CCDC63: variants seen among roughly 807,000 people sequenced by gnomAD.
The protein encoded by CCDC63 is coiled-coil domain-containing protein 63.
A neutral mutation model predicts 63.6 loss-of-function variants in CCDC63; 54 were observed. The observed-to-expected ratio is 0.85, with a 90% confidence interval of 0.68 to 1.07. The LOEUF (loss-of-function observed/expected upper bound fraction) is 1.07. Among genes scored for constraint, CCDC63 ranks in the 50% least tolerant of loss-of-function variants. CCDC63 has a pLI of 0.00. For missense variants in CCDC63, 637 were observed against 689.6 expected (o/e 0.92, Z 0.86); for synonymous variants, 253 against 266.1 (o/e 0.95, Z 0.48).
Position 110,858,703 on chromosome 12 carries a change from G to C in CCDC63, c.297G>C (p.Leu99=), listed in dbSNP as rs367567349. 1.4e-5 allele frequency: 22 copies of C among 1,614,090 alleles called. No individual in the cohort carries two copies. The highest frequency in any genetic ancestry group is 1.9e-5 in the Non-Finnish European group (22 of 1,180,026). Residue 99 remains leucine, a synonymous_variant, in exon 4 of 12, where the codon CTG becomes CTC. Transcript: ENST00000308208. The stretch of plus-strand genomic sequence containing the variant: ...AGAACTACATGGAGCTGCGACTCCT[G>C]CTCCAAACTAAGGAGGACTATGAGG... ...SEKNYMELRL[L]LQTKEDYEAL... is the part of the protein sequence containing the mutation.
intron 4 of CCDC63, among the ~76,000 whole-genome samples, chr12:110,862,616 A>G (rs1340616434): frequency 6.6e-6 from 1 of 152,226 alleles, no homozygotes; most frequent in African/African-American, 2.4e-5. Context: ...AGCTTCCCTT[A>G]ACAGGGAGCC....
chr12:110,875,739 T>A (rs1332328907), intron 5 of CCDC63, among the ~76,000 whole-genome samples: 3 of 152,170 alleles, frequency 2.0e-5, no homozygotes, highest in Non-Finnish European at 4.4e-5. Flanking sequence ...GTTTTTTGTA[T>A]CTCAAACTGG....
In CCDC63 at chr12:110,880,023, C is replaced by T; in HGVS notation, c.607C>T (p.Leu203=). 2 of 1,614,160 alleles carry T rather than the reference C, an allele frequency of 1.2e-6. No homozygotes were observed. Among genetic ancestry groups the T allele is most frequent in the Non-Finnish European group, 1.7e-6 (2 of 1,180,004 alleles). ...TGTCTACCAGCAGCTCCAGCACTGC[C>T]TGTTGATGGAGAAGAAAACCATGAA... The part of the protein sequence containing the change: ...DNVYQQLQHC[L]LMEKKTMNLA... The change falls in exon 6 of 12, where the codon CTG becomes TTG. Residue 203 remains leucine (L), a synonymous_variant. Transcript: ENST00000308208.
At chr12:110,874,443 G>C (rs1379501361) in intron 5 of CCDC63, among the ~76,000 whole-genome samples, 2 of 152,152 alleles carry the variant, frequency 1.3e-5, no homozygotes, top group African/African-American at 2.4e-5. Flanking sequence ...CATTAAGCAG[G>C]GTTCCTTAAA....
At chr12:110,867,426 G>A (rs1366146955) in intron 4 of CCDC63, among the ~76,000 whole-genome samples, 10 of 120,174 alleles carry the variant, frequency 8.3e-5, no homozygotes, top group African/African-American at 2.0e-4. Flanking sequence ...CCTCCCGGAC[G>A]GGGTGGCTGG....
At position 110,858,764 on chromosome 12, in the gene CCDC63, C is replaced by G. The variant is rs1190047721; in HGVS notation, c.358C>G (p.Leu120Val). The G allele has an allele frequency of 6.2e-7, 1 of 1,613,362 alleles. No homozygotes were observed. Among genetic ancestry groups the G allele is most frequent in the East Asian group, 2.2e-5 (1 of 44,892 alleles). Residue 120 changes from leucine to valine, a missense_variant, in exon 4 of 12, where the codon CTG becomes GTG. Coordinates refer to ENST00000308208, the MANE Select transcript of CCDC63 (RefSeq NM_152591.3). ...ATCCCTGAAAGTGCTGTTGGCTGAA[C>G]TGGATGAGAAGGTGTGGTCTTTCTC... is the stretch of plus-strand genomic sequence containing the variant. The part of the protein sequence containing the change: ...IKSLKVLLAE[L>V]DEKILQMEKK...
intron 8 of CCDC63, among the ~76,000 whole-genome samples, chr12:110,891,909 T>C (rs772318845): frequency 6.6e-6 from 1 of 152,166 alleles, no homozygotes; most frequent in African/African-American, 2.4e-5. Flanking sequence ...GTTATTTCCA[T>C]GGGACAGACT....
intron 10 of CCDC63, among the ~76,000 whole-genome samples, chr12:110,899,341 C>T (rs2071456126): frequency 6.6e-6 from 1 of 152,130 alleles, no homozygotes; most frequent in African/African-American, 2.4e-5. Context: ...TCTTTTGAGA[C>T]AGGGTCTTGC....
At chr12:110,887,346 G>A (rs953790717) in intron 8 of CCDC63, among the ~76,000 whole-genome samples, 5 of 151,438 alleles carry the variant, frequency 3.3e-5, no homozygotes, top group East Asian at 2.0e-4. Context: ...GGATGGTCTC[G>A]AACGCCTGAA....
chr12:110,892,995 T>A, intron 8 of CCDC63, 81 bp from the exon 9 acceptor site: 1 of 1,116,478 alleles, frequency 9.0e-7, no homozygotes, highest in Admixed American at 1.9e-5. Context: ...TCATCGACTC[T>A]TTGAGGCGCA....
chr12:110,896,850 T>G (rs2071421008), intron 9 of CCDC63, among the ~76,000 whole-genome samples: 1 of 152,142 alleles, frequency 6.6e-6, no homozygotes, highest in Non-Finnish European at 1.5e-5. Flanking sequence ...TTCTCAGACT[T>G]TACTGTGCAC....
rs188396161 is a variant in CCDC63, at chr12:110,905,476, G to A, written c.1546+685G>A. On this transcript the variant is annotated intron_variant, in intron 11 of 11. Transcript: ENST00000308208. Reference sequence around the variant, plus strand: ...CAGTTTGGCCACATATATGGGAACCGATCCTTCCAGAAGGACTACTCAAGG... The same window carrying A: ...CAGTTTGGCCACATATATGGGAACCAATCCTTCCAGAAGGACTACTCAAGG... 3.9e-5 allele frequency among the ~76,000 whole-genome samples: 6 copies of A among 152,152 alleles called. No individual in the cohort carries two copies. In the East Asian group the frequency reaches 9.7e-4, roughly 25 times the overall value.
chr12:110,879,859 T>A, intron 5 of CCDC63, 47 bp from the exon 6 acceptor site: 1 of 1,594,054 alleles, frequency 6.3e-7, no homozygotes, highest in Non-Finnish European at 8.6e-7. Flanking sequence ...TAGCTTATCT[T>A]ACAAAACAGA....
intron 9 of CCDC63, among the ~76,000 whole-genome samples, chr12:110,894,412 A>G (rs972244586): frequency 6.6e-6 from 1 of 152,034 alleles, no homozygotes; most frequent in African/African-American, 2.4e-5. Flanking sequence ...AGTGGATAGC[A>G]TATGTCTGAC....
At chr12:110,878,600 C>T (rs1047465003) in intron 5 of CCDC63, among the ~76,000 whole-genome samples, 3 of 152,226 alleles carry the variant, frequency 2.0e-5, no homozygotes, top group African/African-American at 7.2e-5. Context: ...CAGGTGTGAG[C>T]CACTGTGCCC....
chr12:110,896,574 A>G (rs1426258631), intron 9 of CCDC63, among the ~76,000 whole-genome samples: 1 of 152,128 alleles, frequency 6.6e-6, no homozygotes, highest in Non-Finnish European at 1.5e-5. Context: ...TGGTTCACCC[A>G]GGGTCCAGTT....
intron 7 of CCDC63, among the ~76,000 whole-genome samples, chr12:110,883,156 G>C (rs2071229978): frequency 6.6e-6 from 1 of 151,700 alleles, no homozygotes; most frequent in African/African-American, 2.4e-5. Context: ...TCCTGCCTCA[G>C]CCTCCTGAGT....
intron 10 of CCDC63, 148 bp from the exon 11 acceptor site, chr12:110,904,440 G>T (rs1253014095): frequency 4.5e-6 from 3 of 660,268 alleles, no homozygotes; most frequent in Non-Finnish European, 8.1e-6. Context: ...GTGACGCCCA[G>T]GAGAAAGCCT....
At chr12:110,902,842 C>T (rs1210951569) in intron 10 of CCDC63, among the ~76,000 whole-genome samples, 4 of 151,582 alleles carry the variant, frequency 2.6e-5, no homozygotes, top group East Asian at 1.9e-4. Context: ...CTCAGCTTCC[C>T]GAGTAGCTGG....
Sources: allele counts gnomAD v4.1 joint callset (sites outside exome capture counted in the v4.1 genomes callset), GRCh38; gene constraint gnomAD v4.1.1; transcripts MANE v1.5; gene names NCBI Gene and HGNC (gene_info 2026-07-23, HGNC 2026-07-21).